Variants in PTPRR observed in about 807,000 individuals in gnomAD.
PTPRR encodes the protein receptor-type tyrosine-protein phosphatase R.
In PTPRR, 38 loss-of-function variants were observed where a neutral mutation model predicts 77.2. The ratio of observed to expected loss-of-function variants is 0.49; its 90% CI spans 0.38 to 0.65. PTPRR has a LOEUF of 0.65. PTPRR is among the 30% of genes least tolerant of loss of function. The pLI is 0.00. For synonymous variants in PTPRR, 299 were observed against 283.1 expected, an observed-to-expected ratio of 1.06 and a Z score of -0.57; for missense variants, 744 against 799.2, an observed-to-expected ratio of 0.93 and a Z score of 0.83.
chr12:70,740,120 A>T lies in PTPRR; in HGVS notation c.1007+5698T>A, dbSNP rs76511856. Among the ~76,000 whole-genome samples, 669 of 152,312 alleles carry T rather than the reference A, an allele frequency of 4.4e-3. 5 individuals carry two copies. The highest frequency in any genetic ancestry group is 0.015 in the African/African-American group (644 of 41,574). On this transcript the variant is annotated intron_variant, in intron 6 of 13. Coordinates refer to ENST00000283228, the MANE Select transcript of PTPRR (RefSeq NM_002849.4). ...AAACCTGAAGACTATTGAAGGGGGAAAGAGAATTAGATGCAGACAGATAAG... is the reference window on the plus strand; with the variant it reads ...AAACCTGAAGACTATTGAAGGGGGATAGAGAATTAGATGCAGACAGATAAG...
chr12:70,718,354 C>T (rs1014459592), intron 6 of PTPRR, among the ~76,000 whole-genome samples: 3 of 152,186 alleles, frequency 2.0e-5, no homozygotes, highest in Non-Finnish European at 2.9e-5. Flanking sequence ...CAATCGCTGC[C>T]TCCTGGGTTC....
chr12:70,898,988 A>G (rs1044403845), intron 1 of PTPRR, among the ~76,000 whole-genome samples: 5 of 151,500 alleles, frequency 3.3e-5, no homozygotes, highest in African/African-American at 1.2e-4. Flanking sequence ...AAACGATCAA[A>G]TCCTTAAAAC....
chr12:70,785,751 G>A (rs544576928), intron 2 of PTPRR, among the ~76,000 whole-genome samples: 1 of 152,144 alleles, frequency 6.6e-6, no homozygotes, highest in South Asian at 2.1e-4. Context: ...CAGATTTAAC[G>A]CAAAGTTCCT....
intron 1 of PTPRR, among the ~76,000 whole-genome samples, chr12:70,913,214 T>C (rs1266040628): frequency 1.3e-5 from 2 of 152,120 alleles, no homozygotes; most frequent in African/African-American, 4.8e-5. Context: ...AGAAAAAATA[T>C]GTGGGATCCA....
chr12:70,775,747 A>G (rs1048956265), intron 2 of PTPRR, among the ~76,000 whole-genome samples: 1 of 152,110 alleles, frequency 6.6e-6, no homozygotes, highest in East Asian at 1.9e-4. Flanking sequence ...AGCTTGCTAG[A>G]AGAAATCCAT....
intron 2 of PTPRR, among the ~76,000 whole-genome samples, chr12:70,848,858 T>C (rs78306762): frequency 0.01 from 1,562 of 152,324 alleles, 21 homozygotes; most frequent in South Asian, 0.059. Context: ...ACTTTCTGTG[T>C]AGTATCACTC....
At chr12:70,901,519 T>C (rs1893533966) in intron 1 of PTPRR, among the ~76,000 whole-genome samples, 1 of 151,682 alleles carries the variant, frequency 6.6e-6, no homozygotes. Context: ...AAGGATATCC[T>C]TTGCAAAAAG....
chr12:70,774,273 G>A (rs989312913), intron 2 of PTPRR, among the ~76,000 whole-genome samples: 2 of 152,182 alleles, frequency 1.3e-5, no homozygotes, highest in Non-Finnish European at 2.9e-5. Flanking sequence ...GGAGCCAATT[G>A]TCTATGCTGG....
chr12:70,808,389 C>T (rs904598409), intron 2 of PTPRR, among the ~76,000 whole-genome samples: 1 of 151,992 alleles, frequency 6.6e-6, no homozygotes, highest in African/African-American at 2.4e-5. Flanking sequence ...TCTCTGTGAC[C>T]CACACCCTAT....
At chr12:70,814,900 A>G (rs1891873212) in intron 2 of PTPRR, among the ~76,000 whole-genome samples, 2 of 152,170 alleles carry the variant, frequency 1.3e-5, no homozygotes, top group Non-Finnish European at 2.9e-5. Context: ...TTTGGCACCC[A>G]ACAAGGTACA....
chr12:70,713,864 A>C (rs1888922125), intron 6 of PTPRR, among the ~76,000 whole-genome samples: 1 of 152,096 alleles, frequency 6.6e-6, no homozygotes, highest in African/African-American at 2.4e-5. Flanking sequence ...TGTGATGATT[A>C]ATTTTATATG....
At chr12:70,827,867 C>T (rs982376471) in intron 2 of PTPRR, among the ~76,000 whole-genome samples, 2 of 151,750 alleles carry the variant, frequency 1.3e-5, no homozygotes, top group African/African-American at 4.8e-5. Flanking sequence ...ACTACAGGCG[C>T]CCACCACTAC....
At chr12:70,745,089 G>A (rs1364360512) in intron 6 of PTPRR, among the ~76,000 whole-genome samples, 1 of 151,934 alleles carries the variant, frequency 6.6e-6, no homozygotes, top group Non-Finnish European at 1.5e-5. Context: ...TCTTTAGATA[G>A]AGTTTCACTC....
chr12:70,889,288 G>A (rs969649903), intron 2 of PTPRR, among the ~76,000 whole-genome samples: 2 of 152,120 alleles, frequency 1.3e-5, no homozygotes, highest in African/African-American at 4.8e-5. Flanking sequence ...CACAGTAAAT[G>A]CTACAGAATT....
intron 6 of PTPRR, among the ~76,000 whole-genome samples, chr12:70,730,235 G>T (rs1889604390): frequency 6.6e-6 from 1 of 152,170 alleles, no homozygotes; most frequent in African/African-American, 2.4e-5. Context: ...AGAAGGCCTG[G>T]CTTGGTGGCT....
At chr12:70,751,928 G>A (rs2136943705) in intron 5 of PTPRR, among the ~76,000 whole-genome samples, 1 of 152,196 alleles carries the variant, frequency 6.6e-6, no homozygotes, top group East Asian at 1.9e-4. Context: ...AATTCATAAT[G>A]TCATGTATTC....
At chr12:70,745,794 A>T (rs1890192559) in intron 6 of PTPRR, 24 bp downstream of exon 6, 1 of 1,602,248 alleles carries the variant, frequency 6.2e-7, no homozygotes, top group Non-Finnish European at 8.5e-7. Flanking sequence ...AGCCACACGT[A>T]GGGTATACAG....
chr12:70,894,324 A>T (rs973117804), intron 1 of PTPRR, among the ~76,000 whole-genome samples: 18 of 151,774 alleles, frequency 1.2e-4, no homozygotes, highest in African/African-American at 4.3e-4. Flanking sequence ...TACTCATGCT[A>T]CTGGGCATTT....
intron 2 of PTPRR, among the ~76,000 whole-genome samples, chr12:70,864,373 TTCTGTGGTCCCCTAA>T (rs1892804812): frequency 6.6e-6 from 1 of 152,192 alleles, no homozygotes; most frequent in African/African-American, 2.4e-5. Context: ...CTTAGGAATC[TTCTGTGGTCCCCTAA>T]TCTGTGGTCA....
Sources: allele counts gnomAD v4.1 joint callset (sites outside exome capture counted in the v4.1 genomes callset), GRCh38; gene constraint gnomAD v4.1.1; transcripts MANE v1.5; gene names NCBI Gene and HGNC (gene_info 2026-07-23, HGNC 2026-07-21).